The following ANAPC1 variants were observed in gnomAD, a reference collection of about 807,000 sequenced individuals.
ANAPC1 encodes the protein anaphase promoting complex subunit 1, also known as anaphase-promoting complex subunit 1.
ANAPC1 carries 36 observed loss-of-function variants against 208.0 expected under a neutral mutation model. That is an observed-to-expected ratio of 0.17 (90% CI 0.13 to 0.23). The LOEUF (loss-of-function observed/expected upper bound fraction) is 0.23, where lower values mean the gene tolerates loss of function less well. Ranked by LOEUF, ANAPC1 falls within the 10% of genes least tolerant of loss-of-function variation. The pLI is 1.00. For missense variants in ANAPC1, 942 were observed against 2,011.6 expected, an observed-to-expected ratio of 0.47 and a Z score of 10.17; for synonymous variants, 378 against 695.2, an observed-to-expected ratio of 0.54 and a Z score of 7.18.
intron 46 of ANAPC1, among the ~76,000 whole-genome samples, chr2:111,772,843 T>C (rs953619637): frequency 3.9e-5 from 6 of 151,972 alleles, no homozygotes; most frequent in African/African-American, 1.4e-4. Context: ...CAGAACTAGA[T>C]CCTTACTAGT....
At chr2:111,823,936 T>C (rs1679684255) in intron 24 of ANAPC1, among the ~76,000 whole-genome samples, 1 of 146,922 alleles carries the variant, frequency 6.8e-6, no homozygotes, top group South Asian at 2.2e-4. Context: ...AGTACCATTC[T>C]CTAAACTAAA....
chr2:111,867,681 G>C (rs1361357680), intron 7 of ANAPC1, among the ~76,000 whole-genome samples: 1 of 118,954 alleles, frequency 8.4e-6, no homozygotes, highest in African/African-American at 3.2e-5. Flanking sequence ...CACAGAGCAA[G>C]ACCCCTCTCA....
chr2:111,847,948 A>G (rs1194626790), intron 14 of ANAPC1, 83 bp from the exon 15 acceptor site: 3 of 1,199,664 alleles, frequency 2.5e-6, no homozygotes, highest in Non-Finnish European at 3.5e-6. Flanking sequence ...TCTTTTTTGC[A>G]TATGGTCTAA....
At chr2:111,848,548 G>A (rs967152365) in intron 14 of ANAPC1, among the ~76,000 whole-genome samples, 4 of 152,066 alleles carry the variant, frequency 2.6e-5, no homozygotes, top group Non-Finnish European at 5.9e-5. Flanking sequence ...AGGCTGAGGC[G>A]GGTGGATCAC....
chr2:111,796,346 CTT>C (rs1257090184), intron 34 of ANAPC1, among the ~76,000 whole-genome samples: 1 of 147,158 alleles, frequency 6.8e-6, no homozygotes, highest in Non-Finnish European at 1.5e-5. Context: ...TTTTTTTTGC[CTT>C]GAGACAGGGT....
chr2:111,794,936 T>C lies in ANAPC1; in HGVS notation c.4297-42A>G, dbSNP rs758325616. 2.9e-4 allele frequency: 262 copies of C among 918,462 alleles called. No homozygotes were observed. In the Middle Eastern group the frequency reaches 3.3e-3, roughly 12 times the overall value. The allele number at this position is 918,462 out of a possible 1,614,324, so 56.9% of individuals were successfully genotyped here. A position where few individuals can be genotyped will look rare whatever the true frequency, so the allele number is the denominator to read the frequency against. On this transcript the variant is annotated intron_variant, in intron 34 of 47. Transcript: ENST00000341068. ...CAAGAATACTTAGATATCAATGTTCTCATTACAAATATTTAATAATCTGAA... is the reference window on the plus strand; with the variant it reads ...CAAGAATACTTAGATATCAATGTTCCCATTACAAATATTTAATAATCTGAA...
chr2:111,828,961 C>A (rs1679982592), intron 21 of ANAPC1, among the ~76,000 whole-genome samples: 1 of 152,104 alleles, frequency 6.6e-6, no homozygotes, highest in South Asian at 2.1e-4. Context: ...ACGCCTGTAA[C>A]CCCTGCACTT....
At chr2:111,777,904 A>C (rs1474381559) in intron 45 of ANAPC1, among the ~76,000 whole-genome samples, 1 of 152,228 alleles carries the variant, frequency 6.6e-6, no homozygotes, top group Non-Finnish European at 1.5e-5. Context: ...TACTATATTC[A>C]CTTAAAGAGC....
intron 3 of ANAPC1, among the ~76,000 whole-genome samples, chr2:111,875,421 C>G (rs1682970315): frequency 6.6e-6 from 1 of 152,196 alleles, no homozygotes; most frequent in African/African-American, 2.4e-5. Context: ...ATCCCATCCT[C>G]TCAGCCTCTA....
At chr2:111,830,847 A>C (rs2104456691) in intron 21 of ANAPC1, among the ~76,000 whole-genome samples, 1 of 152,370 alleles carries the variant, frequency 6.6e-6, no homozygotes, top group Non-Finnish European at 1.5e-5. Context: ...CTTTAAAAAC[A>C]AAATATAAAC....
At chr2:111,792,877 C>T (rs1005856242) in intron 37 of ANAPC1, among the ~76,000 whole-genome samples, 7 of 152,076 alleles carry the variant, frequency 4.6e-5, no homozygotes, top group African/African-American at 9.7e-5. Context: ...GGCGTGAACC[C>T]GGGGTGCGGA....
In ANAPC1 at chr2:111,769,743, G is replaced by A. The variant is rs1302390131; in HGVS notation, c.5720-337C>T. Among the ~76,000 whole-genome samples the A allele has an allele frequency of 4.3e-3, 596 of 139,124 alleles. 1 individual carries two copies. The highest frequency in any genetic ancestry group is 0.015 in the African/African-American group (571 of 37,284). 91.3% of individuals were successfully genotyped at this position (139,124 alleles called of 152,430 possible). A position where few individuals can be genotyped will look rare whatever the true frequency, so the allele number is the denominator to read the frequency against. ...GCCACCGGGGCTGGAGTGCAGTGGC[G>A]CTCTCTCGGCTCACTGCAAACTCCA... On this transcript the variant is annotated intron_variant, in intron 47 of 47. Coordinates refer to ENST00000341068, the MANE Select transcript of ANAPC1 (RefSeq NM_022662.4).
intron 3 of ANAPC1, 132 bp downstream of exon 3, chr2:111,878,678 G>T: frequency 7.6e-7 from 1 of 1,308,848 alleles, no homozygotes; most frequent in Non-Finnish European, 1.0e-6. Flanking sequence ...ATTATATTAT[G>T]TCATGTTACA....
At position 111,883,109 on chromosome 2, in the gene ANAPC1, T is replaced by C. The variant is rs942792260; in HGVS notation, c.-25+833A>G. Among the ~76,000 whole-genome samples, 13 of 139,978 alleles carry C rather than the reference T, an allele frequency of 9.3e-5. No individual in the cohort carries two copies. In the South Asian group the frequency reaches 2.7e-3, roughly 29 times the overall value. The allele number at this position is 139,978 out of a possible 152,430, so 91.8% of individuals were successfully genotyped here. A position where few individuals can be genotyped will look rare whatever the true frequency, so the allele number is the denominator to read the frequency against. Reference sequence around the variant, plus strand: ...TGAACACGGGAGCCAGAGGTTACAGTGAGCTGAGATGGCGCCACTGCACTC... The same window carrying C: ...TGAACACGGGAGCCAGAGGTTACAGCGAGCTGAGATGGCGCCACTGCACTC... On this transcript the variant is annotated intron_variant, in intron 1 of 47. Coordinates refer to ENST00000341068, the MANE Select transcript of ANAPC1 (RefSeq NM_022662.4).
At chr2:111,826,674 T>A (rs1025675466) in intron 21 of ANAPC1, among the ~76,000 whole-genome samples, 8,110 of 149,026 alleles carry the variant, frequency 0.054, 702 homozygotes, top group African/African-American at 0.18. Flanking sequence ...TATTTTTTTT[T>A]TTTTTGAGAC....
chr2:111,839,121 C>A (rs1323010540), intron 17 of ANAPC1, among the ~76,000 whole-genome samples: 1 of 152,164 alleles, frequency 6.6e-6, no homozygotes, highest in Non-Finnish European at 1.5e-5. Flanking sequence ...CAGTCCTACC[C>A]CTGCTCCTCC....
intron 11 of ANAPC1, 29 bp from the exon 12 acceptor site, chr2:111,856,915 A>G: frequency 6.4e-7 from 1 of 1,571,628 alleles, no homozygotes; most frequent in Non-Finnish European, 8.7e-7. Context: ...AAGAAACTTG[A>G]TACATGCAAC....
At position 111,882,389 on chromosome 2, in the gene ANAPC1, T is replaced by C. The variant is rs370602558; in HGVS notation, c.-24-1540A>G. Among the ~76,000 whole-genome samples, 37 of 152,168 alleles carry C rather than the reference T, an allele frequency of 2.4e-4. 1 individual carries two copies. Among genetic ancestry groups the C allele is most frequent in the African/African-American group, 8.7e-4 (36 of 41,506 alleles). On this transcript the variant is annotated intron_variant, in intron 1 of 47. Coordinates refer to ENST00000341068, the MANE Select transcript of ANAPC1 (RefSeq NM_022662.4). ...CACAAACAGCCAAAGCCTATGTAGT[T>C]CCTTTGCAGCTCCTCCAAAGCCACA...
In ANAPC1 at chr2:111,834,809, A is replaced by G; in HGVS notation, c.2179T>C (p.Ser727Pro). The G allele has an allele frequency of 1.2e-6, 2 of 1,612,032 alleles. No homozygotes were observed. Among genetic ancestry groups the G allele is most frequent in the Non-Finnish European group, 1.7e-6 (2 of 1,179,468 alleles). The change falls in exon 19 of 48, where the codon TCT (serine) becomes CCT (proline). Residue 727 changes from serine to proline, a missense_variant. Transcript: ENST00000341068. ...QNVESHLLNR[S>P]LCLSPSEASQ... ...GCTTCTGAAGGACTCAGACATAAAG[A>G]TCTGTTCAAAAGATGAGACTCAACA... is the stretch of plus-strand genomic sequence containing the variant.
Sources: allele counts gnomAD v4.1 joint callset (sites outside exome capture counted in the v4.1 genomes callset), GRCh38; gene constraint gnomAD v4.1.1; transcripts MANE v1.5; gene names NCBI Gene and HGNC (gene_info 2026-07-23, HGNC 2026-07-21).